The following MFHAS1 variants were observed in gnomAD, a reference collection of about 807,000 sequenced individuals.
MFHAS1 encodes the protein malignant fibrous histiocytoma-amplified sequence 1.
In MFHAS1, 50 loss-of-function variants were observed where a neutral mutation model predicts 70.4. The observed-to-expected ratio is 0.71, with a 90% CI of 0.57 to 0.90. MFHAS1 has a LOEUF of 0.90. MFHAS1 is among the 40% of genes least tolerant of loss of function. The pLI, the probability that MFHAS1 is intolerant of heterozygous loss-of-function variation, is 0.00. For missense variants in MFHAS1, 1,795 were observed against 1,347.6 expected (o/e 1.33, Z -5.20); for synonymous variants, 952 against 620.0 (o/e 1.54, Z -7.96).
intron 2 of MFHAS1, among the ~76,000 whole-genome samples, chr8:8,787,310 G>C (rs184211103): frequency 1.3e-5 from 2 of 152,226 alleles, no homozygotes; most frequent in East Asian, 3.9e-4. Flanking sequence ...TTGATCTCCT[G>C]ACCTCATGAT....
Position 8,891,835 on chromosome 8 carries a change from G to T in MFHAS1, c.1224C>A (p.Pro408=). 1.9e-6 allele frequency: 3 copies of T among 1,613,022 alleles called. No individual in the cohort carries two copies. Among genetic ancestry groups the T allele is most frequent in the Non-Finnish European group, 2.5e-6 (3 of 1,179,884 alleles). The change falls in exon 1 of 3, where the codon CCC becomes CCA. Residue 408 remains proline (P), a synonymous_variant. Coordinates refer to ENST00000276282, the MANE Select transcript of MFHAS1 (RefSeq NM_004225.3). The surrounding 1 kb of genome is among the most constrained non-coding windows in gnomAD (Gnocchi z 5.4). ...ELAHSQPAVQ[P]RLKLLLMGHK... ...GCCCCATCAGGAGCAGCTTGAGCCGGGGCTGCACCGCCGGCTGGGAATGAG... is the reference window on the plus strand; with the variant it reads ...GCCCCATCAGGAGCAGCTTGAGCCGTGGCTGCACCGCCGGCTGGGAATGAG...
At chr8:8,813,131 C>T in intron 1 of MFHAS1, among the ~76,000 whole-genome samples, 1 of 152,176 alleles carries the variant, frequency 6.6e-6, no homozygotes, top group East Asian at 1.9e-4. Context: ...CATAAGATTA[C>T]AAAAGAGCTG....
intron 1 of MFHAS1, among the ~76,000 whole-genome samples, chr8:8,887,222 G>C (rs561917175): frequency 6.6e-6 from 1 of 152,054 alleles, no homozygotes; most frequent in African/African-American, 2.4e-5. Flanking sequence ...TAATAATCTA[G>C]GGATTCAATG....
At chr8:8,791,306 G>C (rs1206373004) in intron 2 of MFHAS1, among the ~76,000 whole-genome samples, 3 of 152,106 alleles carry the variant, frequency 2.0e-5, no homozygotes, top group Non-Finnish European at 4.4e-5. Flanking sequence ...CCCATTTCCT[G>C]TATATTCAAG....
At chr8:8,797,644 C>A (rs931389650) in intron 1 of MFHAS1, among the ~76,000 whole-genome samples, 153 bp from the exon 2 acceptor site, 34 of 152,180 alleles carry the variant, frequency 2.2e-4, no homozygotes, top group African/African-American at 7.2e-4. Context: ...CCAAGAACAG[C>A]AGAACTGCCT....
At chr8:8,794,370 C>T (rs1448175741) in intron 2 of MFHAS1, among the ~76,000 whole-genome samples, 3 of 152,120 alleles carry the variant, frequency 2.0e-5, no homozygotes, top group Admixed American at 6.5e-5. Context: ...CTATCCTAAC[C>T]GATCCCCCCA....
chr8:8,839,625 T>C (rs1197776408), intron 1 of MFHAS1, among the ~76,000 whole-genome samples: 2 of 152,216 alleles, frequency 1.3e-5, no homozygotes, highest in African/African-American at 2.4e-5. Flanking sequence ...GATCTGATGA[T>C]GGCATATAAA....
intron 1 of MFHAS1, among the ~76,000 whole-genome samples, chr8:8,800,113 G>A (rs536129605): frequency 6.6e-6 from 1 of 152,130 alleles, no homozygotes; most frequent in Non-Finnish European, 1.5e-5. Context: ...ATCTAAAAAC[G>A]CTATTTTTAA....
At chr8:8,847,426 C>T (rs779260505) in intron 1 of MFHAS1, among the ~76,000 whole-genome samples, 27 of 152,312 alleles carry the variant, frequency 1.8e-4, no homozygotes, top group Middle Eastern at 3.4e-3. Context: ...AGGTGATGCA[C>T]CTGCCTTGGC....
At chr8:8,884,377 G>A (rs1017676962) in intron 1 of MFHAS1, among the ~76,000 whole-genome samples, 1 of 152,138 alleles carries the variant, frequency 6.6e-6, no homozygotes, top group Non-Finnish European at 1.5e-5. Flanking sequence ...CTTAACCAAA[G>A]AGATATTGAA....
intron 1 of MFHAS1, among the ~76,000 whole-genome samples, chr8:8,828,310 C>T (rs1807240721): frequency 6.6e-6 from 1 of 152,238 alleles, no homozygotes. Flanking sequence ...ATAGTTTGAA[C>T]TTACACTTAG....
At chr8:8,856,980 GAAAAAAAA>G (rs59496543) in intron 1 of MFHAS1, among the ~76,000 whole-genome samples, 63 of 53,396 alleles carry the variant, frequency 1.2e-3, no homozygotes, top group African/African-American at 4.1e-3. Flanking sequence ...TCAGGAAAGT[GAAAAAAAA>G]AAAAAAAAAA....
intron 1 of MFHAS1, among the ~76,000 whole-genome samples, chr8:8,867,962 T>C (rs944642804): frequency 6.6e-6 from 1 of 152,200 alleles, no homozygotes; most frequent in South Asian, 2.1e-4. Flanking sequence ...TTCCTACCGC[T>C]AATAAATGGA....
chr8:8,860,849 C>T (rs1808633350), intron 1 of MFHAS1, among the ~76,000 whole-genome samples: 2 of 152,160 alleles, frequency 1.3e-5, no homozygotes, highest in South Asian at 2.1e-4. Flanking sequence ...TCATTGGTCT[C>T]GTTTCCATTT....
Position 8,892,896 on chromosome 8 carries a change from G to T in MFHAS1, c.163C>A (p.Gln55Lys), listed in dbSNP as rs776900828. The part of the protein sequence containing the change: ...ADALESPASP[Q>K]LVLPANLGDI... ...CCGAGGTTGGCCGGCAGCACGAGCT[G>T]GGGGGAGGCGGGGGACTCGAGCGCG... is the stretch of plus-strand genomic sequence containing the variant. The change falls in exon 1 of 3, where the codon CAG becomes AAG. Residue 55 changes from glutamine to lysine, a missense_variant. Physicochemically the swap from Gln to Lys is moderately conservative, Grantham distance 53. Transcript: ENST00000276282. This position sits in a 1 kb window ranked among gnomAD's most constrained non-coding sequence, Gnocchi z 4.7. 2 of 1,571,046 alleles carry T rather than the reference G, an allele frequency of 1.3e-6. No individual in the cohort carries two copies. Among genetic ancestry groups the T allele is most frequent in the South Asian group, 2.3e-5 (2 of 85,782 alleles).
At chr8:8,818,589 T>A (rs1341143538) in intron 1 of MFHAS1, among the ~76,000 whole-genome samples, 1 of 152,220 alleles carries the variant, frequency 6.6e-6, no homozygotes, top group African/African-American at 2.4e-5. Context: ...ATGCCAAATA[T>A]GGACCTTATA....
chr8:8,886,980 A>G (rs1809781889), intron 1 of MFHAS1, among the ~76,000 whole-genome samples: 1 of 152,198 alleles, frequency 6.6e-6, no homozygotes, highest in South Asian at 2.1e-4. Context: ...TACAAAAATT[A>G]GCCAGGTGTG....
chr8:8,836,638 A>T (rs1807605718), intron 1 of MFHAS1, among the ~76,000 whole-genome samples: 1 of 152,138 alleles, frequency 6.6e-6, no homozygotes, highest in Non-Finnish European at 1.5e-5. Context: ...TCAGTCTCCC[A>T]AAGTGTTGAG....
chr8:8,864,394 C>T (rs1808781620), intron 1 of MFHAS1, among the ~76,000 whole-genome samples: 1 of 152,230 alleles, frequency 6.6e-6, no homozygotes, highest in South Asian at 2.1e-4. Context: ...TCCTCTTTGC[C>T]CACCCTCCCA....
Sources: allele counts gnomAD v4.1 joint callset (sites outside exome capture counted in the v4.1 genomes callset), GRCh38; gene constraint gnomAD v4.1.1; non-coding constraint Gnocchi (gnomAD v3.1); transcripts MANE v1.5; gene names NCBI Gene and HGNC (gene_info 2026-07-23, HGNC 2026-07-21).